NICOL1: variants seen among roughly 807,000 people sequenced by gnomAD.
NICOL1 encodes the protein NELL2 interacting cell ontogeny regulator 1.
At chr4:2,042,263 G>A in the NICOL1 span, 15 of 1,096,230 alleles carry the variant, frequency 1.4e-5, no homozygotes, top group Non-Finnish European at 1.7e-5. Context: ...CCCGCGGGAG[G>A]GGACGGGGGC....
the NICOL1 span, among the ~76,000 whole-genome samples, chr4:2,036,703 C>T: frequency 3.5e-4 from 53 of 152,206 alleles, no homozygotes; most frequent in African/African-American, 1.2e-3. Flanking sequence ...GTCTGCTTCA[C>T]GTAGAGGCAG....
At chr4:2,040,715 T>C in the NICOL1 span, among the ~76,000 whole-genome samples, 1 of 151,894 alleles carries the variant, frequency 6.6e-6, no homozygotes, top group South Asian at 2.1e-4. Flanking sequence ...ACCCGGCCCC[T>C]CGGGCCCCGC....
chr4:2,043,897 C>T, the NICOL1 span: 6 of 1,549,566 alleles, frequency 3.9e-6, no homozygotes, highest in Non-Finnish European at 4.4e-6. Flanking sequence ...GCGCCGTGCC[C>T]TGTGTGCCTG....
chr4:2,042,268 G>A, the NICOL1 span: 1 of 1,049,276 alleles, frequency 9.5e-7, no homozygotes, highest in South Asian at 2.2e-5. Flanking sequence ...GGGAGGGGAC[G>A]GGGGCTCACC....
chr4:2,042,265 G>A, the NICOL1 span: 1 of 886,748 alleles, frequency 1.1e-6, no homozygotes, highest in South Asian at 2.4e-5. Flanking sequence ...CGCGGGAGGG[G>A]ACGGGGGCTC....
chr4:2,038,237 G>GTGTGTGTGTGTA, the NICOL1 span, among the ~76,000 whole-genome samples: 1 of 91,454 alleles, frequency 1.1e-5, no homozygotes, highest in African/African-American at 3.6e-5. Flanking sequence ...TGATCAGTGT[G>GTGTGTGTGTGTA]TATATATATA....
chr4:2,039,294 ATCC>A, the NICOL1 span, among the ~76,000 whole-genome samples: 2 of 151,760 alleles, frequency 1.3e-5, no homozygotes, highest in Non-Finnish European at 2.9e-5. Context: ...GGCACCTGTA[ATCC>A]CAGCTACTTG....
chr4:2,037,101 T>C, the NICOL1 span, among the ~76,000 whole-genome samples: 1 of 152,114 alleles, frequency 6.6e-6, no homozygotes, highest in African/African-American at 2.4e-5. Flanking sequence ...TAAATGTGTG[T>C]AGCACTTCCC....
chr4:2,041,175 C>T, the NICOL1 span, among the ~76,000 whole-genome samples: 2 of 150,398 alleles, frequency 1.3e-5, no homozygotes, highest in Non-Finnish European at 3.0e-5. Context: ...GGCGCCAGCA[C>T]CCACGTGCGC....
At chr4:2,042,217 G>T in the NICOL1 span, 12 of 1,360,344 alleles carry the variant, frequency 8.8e-6, no homozygotes, top group African/African-American at 1.6e-4. Context: ...TGGGTCCAGG[G>T]CTCCCAGGCC....
the NICOL1 span, among the ~76,000 whole-genome samples, chr4:2,040,491 G>A: frequency 3.8e-3 from 572 of 152,290 alleles, 16 homozygotes; most frequent in Admixed American, 0.031. Context: ...CTGCGGCCCG[G>A]CGCGTCCCCG....
chr4:2,043,202 CGGAGGAT>C, the NICOL1 span, among the ~76,000 whole-genome samples: 1 of 152,070 alleles, frequency 6.6e-6, no homozygotes, highest in South Asian at 2.1e-4. Context: ...AAACTGAGGC[CGGAGGAT>C]GTGGCGAAAG....
the NICOL1 span, chr4:2,041,979 G>C: frequency 6.9e-7 from 1 of 1,455,136 alleles, no homozygotes; most frequent in Non-Finnish European, 9.0e-7. Context: ...ACCCGGGCGG[G>C]GTCGGGTCGG....
At chr4:2,036,617 G>A in the NICOL1 span, among the ~76,000 whole-genome samples, 1 of 152,194 alleles carries the variant, frequency 6.6e-6, no homozygotes, top group African/African-American at 2.4e-5. Flanking sequence ...ACTACAACAT[G>A]TTCAGGGCGG....
chr4:2,042,725 G>GC, the NICOL1 span: 2 of 1,497,158 alleles, frequency 1.3e-6, no homozygotes, highest in Non-Finnish European at 1.8e-6. Flanking sequence ...CCTGACCCGC[G>GC]CCCCCCGCAG....
At chr4:2,042,418 C>G in the NICOL1 span, 1 of 495,702 alleles carries the variant, frequency 2.0e-6, no homozygotes, top group Non-Finnish European at 3.5e-6. Context: ...GCTGCTGCTG[C>G]TGAGTCTGGC....
chr4:2,041,148 G>C, the NICOL1 span, among the ~76,000 whole-genome samples: 1 of 145,488 alleles, frequency 6.9e-6, no homozygotes, highest in East Asian at 2.1e-4. Context: ...TGCTGGGTGG[G>C]GTGGGGGGGG....
the NICOL1 span, chr4:2,041,606 T>A: frequency 5.2e-6 from 1 of 192,952 alleles, no homozygotes; most frequent in African/African-American, 2.3e-5. Flanking sequence ...CTCCGGGCGG[T>A]GCGACCCCAC....
chr4:2,037,981 A>G, the NICOL1 span, among the ~76,000 whole-genome samples: 1 of 151,394 alleles, frequency 6.6e-6, no homozygotes, highest in Non-Finnish European at 1.5e-5. Context: ...TTGCCCTTAT[A>G]TTGCAAGTTT....
Sources: allele counts gnomAD v4.1 joint callset (sites outside exome capture counted in the v4.1 genomes callset), GRCh38; gene constraint gnomAD v4.1.1; transcripts MANE v1.5; gene names NCBI Gene and HGNC (gene_info 2026-07-23, HGNC 2026-07-21).